Variants in IFFO2 observed in about 807,000 individuals in gnomAD.
The protein encoded by IFFO2 is intermediate filament family orphan 2.
IFFO2 carries 19 observed loss-of-function variants against 53.5 expected under a neutral mutation model. That is an observed-to-expected ratio of 0.36 (90% confidence interval 0.25 to 0.52). The LOEUF is 0.52. Ranked by LOEUF, IFFO2 falls within the 20% of genes least tolerant of loss-of-function variation. The pLI, the probability that IFFO2 is intolerant of heterozygous loss-of-function variation, is 0.94. For missense variants in IFFO2, 570 were observed against 727.4 expected, an observed-to-expected ratio of 0.78 and a Z score of 2.49; for synonymous variants, 303 against 313.6, an observed-to-expected ratio of 0.97 and a Z score of 0.36.
At chr1:18,943,937 T>C (rs1936554028) in intron 1 of IFFO2, among the ~76,000 whole-genome samples, 1 of 152,224 alleles carries the variant, frequency 6.6e-6, no homozygotes, top group Non-Finnish European at 1.5e-5. Flanking sequence ...GTTGCTTCTC[T>C]GCTCCAAGTG....
At chr1:18,929,211 T>G (rs1362796796) in intron 1 of IFFO2, among the ~76,000 whole-genome samples, 2 of 152,214 alleles carry the variant, frequency 1.3e-5, no homozygotes. Flanking sequence ...TCTCCACTTC[T>G]GTAAAACGGG....
chr1:18,939,353 C>T (rs1488907621), intron 1 of IFFO2, among the ~76,000 whole-genome samples: 1 of 152,228 alleles, frequency 6.6e-6, no homozygotes, highest in Admixed American at 6.5e-5. Flanking sequence ...ATCAAGCCCC[C>T]TGCCCAAACC....
At chr1:18,922,647 C>T (rs113238821) in intron 1 of IFFO2, among the ~76,000 whole-genome samples, 12 of 152,210 alleles carry the variant, frequency 7.9e-5, no homozygotes, top group Admixed American at 2.6e-4. Flanking sequence ...CGTGGGCTCC[C>T]GGGCCCGGAC....
intron 1 of IFFO2, among the ~76,000 whole-genome samples, chr1:18,951,917 G>A (rs574638795): frequency 6.6e-6 from 1 of 152,294 alleles, no homozygotes; most frequent in South Asian, 2.1e-4. Context: ...GGGCCTCTTG[G>A]AGTCACTGAC....
chr1:18,945,998 A>C (rs1936582656), intron 1 of IFFO2, among the ~76,000 whole-genome samples: 1 of 152,188 alleles, frequency 6.6e-6, no homozygotes, highest in Non-Finnish European at 1.5e-5. Flanking sequence ...GTTCTGCTCT[A>C]AGCTGTCTAA....
rs568016809 is a variant in IFFO2 at position 18,953,789 on chromosome 1, C to A, written c.665+1879G>T. 2.0e-5 allele frequency among the ~76,000 whole-genome samples: 3 copies of A among 152,316 alleles called. No homozygotes were observed. In the South Asian group the frequency reaches 6.2e-4, roughly 32 times the overall value. On this transcript the variant is annotated intron_variant, in intron 1 of 8. Coordinates refer to ENST00000455833, the MANE Select transcript of IFFO2 (RefSeq NM_001136265.2). Reference sequence around the variant, plus strand: ...AGCGCCAGAAGCTGACATCACACCCCACGCCCTGGGTGCAACTTGAATAGA... The same window carrying A: ...AGCGCCAGAAGCTGACATCACACCCAACGCCCTGGGTGCAACTTGAATAGA...
Position 18,906,213 on chromosome 1 carries a change from G to T in IFFO2, c.*2348C>A, listed in dbSNP as rs889692638. The T allele has an allele frequency of 1.3e-5, 2 of 152,178 alleles. No individual in the cohort carries two copies. Among genetic ancestry groups the T allele is most frequent in the Admixed American group, 6.5e-5 (1 of 15,280 alleles). 9.4% of individuals were successfully genotyped at this position (152,178 alleles called of 1,614,324 possible). ...CAGCCAGAAGGGACTCTCAGGCCAGGATCTCTTTCTGGCTCCTGCAGTTTT... is the reference window on the plus strand; with the variant it reads ...CAGCCAGAAGGGACTCTCAGGCCAGTATCTCTTTCTGGCTCCTGCAGTTTT... On this transcript the variant is annotated 3_prime_UTR_variant, in exon 9 of 9. Transcript: ENST00000455833.
chr1:18,942,840 C>CTTTT lies in IFFO2; in HGVS notation c.665+12824_665+12827dup, dbSNP rs35473539. ...CCTGATGTTTTATTTTATATTATTTCTTTTTTTTTTTTTTTTGAGATGGAG... is the reference window on the plus strand; with the variant it reads ...CCTGATGTTTTATTTTATATTATTTCTTTTTTTTTTTTTTTTTTTTGAGATGGAG... On this transcript the variant is annotated intron_variant, in intron 1 of 8. Coordinates refer to ENST00000455833, the MANE Select transcript of IFFO2 (RefSeq NM_001136265.2). Among the ~76,000 whole-genome samples, 71 of 135,196 alleles carry CTTTT rather than the reference C, an allele frequency of 5.3e-4. 2 individuals carry two copies. The highest frequency in any genetic ancestry group is 4.5e-4 in the Admixed American group (6 of 13,474). 88.7% of individuals were successfully genotyped at this position (135,196 alleles called of 152,430 possible).
chr1:18,940,085 G>A (rs1936501099), intron 1 of IFFO2, among the ~76,000 whole-genome samples: 1 of 152,194 alleles, frequency 6.6e-6, no homozygotes, highest in Non-Finnish European at 1.5e-5. Context: ...TCATCTCAGG[G>A]CAGAGCATAG....
intron 5 of IFFO2, among the ~76,000 whole-genome samples, chr1:18,913,891 T>A (rs573183914): frequency 1.3e-5 from 2 of 152,154 alleles, no homozygotes; most frequent in African/African-American, 2.4e-5. Context: ...AGTGCAGTGG[T>A]GCGATCTCGG....
In IFFO2 at chr1:18,956,174, G is replaced by A; in HGVS notation, c.159C>T (p.Asn53=). The A allele has an allele frequency of 2.7e-6, 4 of 1,471,318 alleles. No homozygotes were observed. The highest frequency in any genetic ancestry group is 3.6e-6 in the Non-Finnish European group (4 of 1,099,512). The allele number at this position is 1,471,318 out of a possible 1,614,324, so 91.1% of individuals were successfully genotyped here. A position where few individuals can be genotyped will look rare whatever the true frequency, so the allele number is the denominator to read the frequency against. The change falls in exon 1 of 9, where the codon AAC becomes AAT. Residue 53 remains asparagine, a synonymous_variant. Coordinates refer to ENST00000455833, the MANE Select transcript of IFFO2 (RefSeq NM_001136265.2). This position sits in a 1 kb window ranked among gnomAD's most constrained non-coding sequence, Gnocchi z 6.4. ...CGTTGAGCCCCTTCAAGAGGTGGAT[G>A]TTGGAGCCCAGGTCGTCCCGCAGCG... The part of the protein sequence containing the change: ...TAALRDDLGS[N]IHLLKGLNVR...
intron 5 of IFFO2, 104 bp from the exon 6 acceptor site, chr1:18,912,187 G>A (rs1255532556): frequency 2.1e-6 from 3 of 1,399,970 alleles, no homozygotes; most frequent in Admixed American, 2.2e-5. Context: ...ACAGCTTCAA[G>A]GCTGTCCTCA....
At chr1:18,943,760 A>G (rs994391717) in intron 1 of IFFO2, among the ~76,000 whole-genome samples, 13 of 152,178 alleles carry the variant, frequency 8.5e-5, no homozygotes, top group Non-Finnish European at 1.8e-4. Context: ...GAGGCTGGAG[A>G]AGTGCCTTTT....
At chr1:18,914,672 A>C (rs1287749669) in intron 5 of IFFO2, among the ~76,000 whole-genome samples, 4 of 151,834 alleles carry the variant, frequency 2.6e-5, no homozygotes, top group Non-Finnish European at 5.9e-5. Flanking sequence ...TACAAAAAAA[A>C]ATTAGCTGGG....
chr1:18,913,893 C>T (rs573035560), intron 5 of IFFO2, among the ~76,000 whole-genome samples: 57 of 152,240 alleles, frequency 3.7e-4, no homozygotes, highest in East Asian at 2.1e-3. Context: ...TGCAGTGGTG[C>T]GATCTCGGCT....
intron 1 of IFFO2, among the ~76,000 whole-genome samples, chr1:18,925,752 G>A (rs1262590294): frequency 6.6e-6 from 1 of 152,152 alleles, no homozygotes; most frequent in Non-Finnish European, 1.5e-5. Flanking sequence ...TTATCGAATG[G>A]ATTGGTTGGA....
chr1:18,942,911 T>C (rs2148186936), intron 1 of IFFO2, among the ~76,000 whole-genome samples: 1 of 151,250 alleles, frequency 6.6e-6, no homozygotes, highest in Non-Finnish European at 1.5e-5. Context: ...AGATCTTGGC[T>C]CACTGCAACC....
At chr1:18,920,202 A>C (rs558704394) in intron 2 of IFFO2, among the ~76,000 whole-genome samples, 1 of 152,262 alleles carries the variant, frequency 6.6e-6, no homozygotes, top group African/African-American at 2.4e-5. Context: ...CAGTTTTTCA[A>C]CTGTGGAAGG....
chr1:18,912,144 G>A, intron 5 of IFFO2, 61 bp from the exon 6 acceptor site: 1 of 1,545,730 alleles, frequency 6.5e-7, no homozygotes, highest in Non-Finnish European at 8.7e-7. Context: ...GACCCATACA[G>A]GGGACAGAAA....
Sources: allele counts gnomAD v4.1 joint callset (sites outside exome capture counted in the v4.1 genomes callset), GRCh38; gene constraint gnomAD v4.1.1; non-coding constraint Gnocchi (gnomAD v3.1); transcripts MANE v1.5; gene names NCBI Gene and HGNC (gene_info 2026-07-23, HGNC 2026-07-21).